Variants in PLIN3 observed in about 807,000 individuals in gnomAD.
The protein encoded by PLIN3 is perilipin 3.
In PLIN3, 30 loss-of-function variants were observed where a neutral mutation model predicts 35.9. The observed-to-expected ratio is 0.84, with a 90% CI of 0.62 to 1.13. PLIN3 has a LOEUF of 1.13. Ranked by LOEUF, PLIN3 falls within the 50% of genes most tolerant of loss-of-function variation. The probability of loss-of-function intolerance (pLI) is 0.00; values close to 1 mark genes in which losing one functional copy is unlikely to be tolerated. For synonymous variants in PLIN3, 261 were observed against 262.5 expected (o/e 0.99, Z 0.06); for missense variants, 603 against 596.9 (o/e 1.01, Z -0.11).
intron 1 of PLIN3, among the ~76,000 whole-genome samples, chr19:4,865,166 T>G (rs767302544): frequency 6.8e-6 from 1 of 146,180 alleles, no homozygotes; most frequent in African/African-American, 2.6e-5. Context: ...CACTCCAGCC[T>G]GGGTGACAGA....
At chr19:4,862,247 C>T (rs903102516) in intron 1 of PLIN3, among the ~76,000 whole-genome samples, 14 of 151,850 alleles carry the variant, frequency 9.2e-5, no homozygotes, top group African/African-American at 3.4e-4. Context: ...TCCCCTGCCT[C>T]AGCCTTCCCA....
chr19:4,844,068 G>A (rs2029999831), intron 7 of PLIN3, among the ~76,000 whole-genome samples: 1 of 152,044 alleles, frequency 6.6e-6, no homozygotes, highest in South Asian at 2.1e-4. Context: ...TTGCCCCTGG[G>A]GAGCTTAAGT....
At chr19:4,863,664 C>A (rs559021049) in intron 1 of PLIN3, among the ~76,000 whole-genome samples, 1 of 145,584 alleles carries the variant, frequency 6.9e-6, no homozygotes, top group African/African-American at 2.5e-5. Flanking sequence ...ACTAAAAATA[C>A]AAAAATTAGC....
At chr19:4,850,483 T>A (rs1162669680) in intron 5 of PLIN3, among the ~76,000 whole-genome samples, 1 of 151,574 alleles carries the variant, frequency 6.6e-6, no homozygotes, top group African/African-American at 2.4e-5. Context: ...TGGAGTGGCA[T>A]GATCTCGGCT....
chr19:4,845,590 T>A (rs1003685922), intron 6 of PLIN3, among the ~76,000 whole-genome samples: 2 of 151,886 alleles, frequency 1.3e-5, no homozygotes, highest in African/African-American at 4.8e-5. Context: ...GGCAACACAG[T>A]GACATCTCAT....
At chr19:4,863,971 C>T (rs544579944) in intron 1 of PLIN3, among the ~76,000 whole-genome samples, 12 of 152,016 alleles carry the variant, frequency 7.9e-5, no homozygotes, top group African/African-American at 2.2e-4. Flanking sequence ...TCCGCTCTGT[C>T]GCCCAGGCTG....
intron 1 of PLIN3, among the ~76,000 whole-genome samples, chr19:4,865,657 C>T (rs756708916): frequency 3.4e-4 from 52 of 151,972 alleles, no homozygotes; most frequent in Admixed American, 5.9e-4. Context: ...TAAGCAGAAC[C>T]CAGCAAAATG....
At chr19:4,855,249 G>GA (rs377681525) in intron 4 of PLIN3, among the ~76,000 whole-genome samples, 101 of 36,374 alleles carry the variant, frequency 2.8e-3, no homozygotes, top group African/African-American at 3.5e-3. Context: ...GACTCCATCT[G>GA]AAAAAAAAAA....
intron 7 of PLIN3, among the ~76,000 whole-genome samples, chr19:4,842,405 G>C (rs959955749): frequency 6.6e-6 from 1 of 151,780 alleles, no homozygotes; most frequent in African/African-American, 2.4e-5. Context: ...CTCCAGCTTG[G>C]GTGACGGAGT....
chr19:4,840,018 C>CGT (rs2029873606), intron 7 of PLIN3, among the ~76,000 whole-genome samples: 1 of 121,916 alleles, frequency 8.2e-6, no homozygotes, highest in Admixed American at 9.3e-5. Context: ...CCCAGGTTGG[C>CGT]GTGCAGTGGC....
At chr19:4,862,566 G>A (rs564319056) in intron 1 of PLIN3, among the ~76,000 whole-genome samples, 9 of 152,196 alleles carry the variant, frequency 5.9e-5, no homozygotes, top group Admixed American at 2.6e-4. Context: ...ATTTCTAAAA[G>A]GCTCCCAGGC....
At chr19:4,856,811 T>G (rs2030492040) in intron 4 of PLIN3, among the ~76,000 whole-genome samples, 1 of 151,212 alleles carries the variant, frequency 6.6e-6, no homozygotes, top group Admixed American at 6.6e-5. Flanking sequence ...GTTCAAGTGA[T>G]ACTCGTGCCT....
intron 1 of PLIN3, among the ~76,000 whole-genome samples, chr19:4,866,261 G>GGTTCTAACAGC: frequency 6.6e-6 from 1 of 151,938 alleles, no homozygotes; most frequent in African/African-American, 2.4e-5. Flanking sequence ...CAAATGATCC[G>GGTTCTAACAGC]CCCACCTCAG....
intron 7 of PLIN3, among the ~76,000 whole-genome samples, chr19:4,843,939 G>C (rs565144290): frequency 1.3e-5 from 2 of 152,294 alleles, no homozygotes; most frequent in Non-Finnish European, 2.9e-5. Context: ...CATTCACAAG[G>C]TTGGGCAAAT....
At chr19:4,863,429 G>T (rs372463904) in intron 1 of PLIN3, among the ~76,000 whole-genome samples, 1 of 149,590 alleles carries the variant, frequency 6.7e-6, no homozygotes, top group South Asian at 2.1e-4. Context: ...CCCGGGAAGC[G>T]GAAGTTGCAG....
intron 7 of PLIN3, among the ~76,000 whole-genome samples, chr19:4,843,938 G>A (rs936345262): frequency 6.6e-6 from 1 of 152,176 alleles, no homozygotes; most frequent in Admixed American, 6.6e-5. Context: ...ACATTCACAA[G>A]GTTGGGCAAA....
chr19:4,852,397 C>T (rs756095751), intron 4 of PLIN3, 96 bp from the exon 5 acceptor site: 12 of 1,428,586 alleles, frequency 8.4e-6, no homozygotes, highest in South Asian at 6.7e-5. Context: ...AGGCGGGGAG[C>T]GCCATCCCCC....
chr19:4,852,151 A>T lies in PLIN3; in HGVS notation c.499T>A (p.Ser167Thr), dbSNP rs1175152547. The T allele has an allele frequency of 6.2e-7, 1 of 1,614,010 alleles. No individual in the cohort carries two copies. The change falls in exon 5 of 8, where the codon TCC (serine) becomes ACC (threonine). Residue 167 changes from serine to threonine, a missense_variant. Ser to Thr is a moderately conservative substitution (Grantham distance 58). Transcript: ENST00000221957. ...AVQSGVDKTK[S>T]VVTGGVQSVM... ...GATTGGACGCCGCCGGTCACTACGG[A>T]CTTTGTCTTGTCCACGCCGCTCTGC...
chr19:4,843,235 G>A (rs551836408), intron 7 of PLIN3, among the ~76,000 whole-genome samples: 118 of 150,914 alleles, frequency 7.8e-4, no homozygotes, highest in Middle Eastern at 3.5e-3. Context: ...GGCAGGGTGC[G>A]GTGGCTCACG....
Sources: allele counts gnomAD v4.1 joint callset (sites outside exome capture counted in the v4.1 genomes callset), GRCh38; gene constraint gnomAD v4.1.1; transcripts MANE v1.5; gene names NCBI Gene and HGNC (gene_info 2026-07-23, HGNC 2026-07-21).